BBS9: variants seen among roughly 807,000 people sequenced by gnomAD.
The protein encoded by BBS9 is protein PTHB1.
In BBS9, 89 loss-of-function variants were observed where a neutral mutation model predicts 117.7. The ratio of observed to expected loss-of-function variants is 0.76; its 90% CI spans 0.64 to 0.90. BBS9 has a LOEUF of 0.90. Ranked by LOEUF, BBS9 falls within the 40% of genes least tolerant of loss-of-function variation. The probability of loss-of-function intolerance (pLI) is 0.00; values close to 1 mark genes in which losing one functional copy is unlikely to be tolerated. For synonymous variants in BBS9, 379 were observed against 370.9 expected (o/e 1.02, Z -0.25); for missense variants, 982 against 1,042.2 (o/e 0.94, Z 0.80).
intron 21 of BBS9, among the ~76,000 whole-genome samples, chr7:33,542,140 C>T (rs1015936813): frequency 1.3e-5 from 2 of 151,432 alleles, no homozygotes; most frequent in East Asian, 1.9e-4. Flanking sequence ...GCTGGAGTGC[C>T]GTGGTGCAGT....
At chr7:33,349,812 A>G (rs1818302791) in intron 13 of BBS9, among the ~76,000 whole-genome samples, 1 of 152,176 alleles carries the variant, frequency 6.6e-6, no homozygotes, top group Non-Finnish European at 1.5e-5. Context: ...TAATGTTTGA[A>G]GAATTAATAT....
intron 4 of BBS9, among the ~76,000 whole-genome samples, chr7:33,161,540 T>A (rs1297381869): frequency 6.6e-6 from 1 of 152,238 alleles, no homozygotes; most frequent in Non-Finnish European, 1.5e-5. Flanking sequence ...TTTGGGTTGG[T>A]TCCAAGTCTT....
At chr7:33,375,074 GAGA>G (rs1211465754) in intron 17 of BBS9, among the ~76,000 whole-genome samples, 1 of 152,086 alleles carries the variant, frequency 6.6e-6, no homozygotes, top group Admixed American at 6.6e-5. Flanking sequence ...TGATGAACTT[GAGA>G]AGATGTTCTG....
chr7:33,461,141 G>A (rs79006776), intron 19 of BBS9, among the ~76,000 whole-genome samples: 2,089 of 151,928 alleles, frequency 0.014, 55 homozygotes, highest in African/African-American at 0.048. Flanking sequence ...ATTTATTGAT[G>A]GATATTTGGG....
chr7:33,269,687 C>T (rs1379879207), intron 7 of BBS9, among the ~76,000 whole-genome samples: 3 of 151,366 alleles, frequency 2.0e-5, no homozygotes, highest in South Asian at 2.1e-4. Context: ...GATTGCACCA[C>T]CACATTGCAG....
chr7:33,207,306 T>C (rs938830763), intron 5 of BBS9, among the ~76,000 whole-genome samples: 1 of 152,226 alleles, frequency 6.6e-6, no homozygotes, highest in African/African-American at 2.4e-5. Context: ...GATTTCCAAA[T>C]TGGCACTTCC....
intron 19 of BBS9, among the ~76,000 whole-genome samples, chr7:33,446,345 T>C (rs1836991314): frequency 1.3e-5 from 2 of 152,220 alleles, no homozygotes. Context: ...TTGGTTAATA[T>C]CTTGATAGTA....
chr7:33,373,154 CTCTT>C (rs1416997127), intron 17 of BBS9, among the ~76,000 whole-genome samples: 2 of 152,084 alleles, frequency 1.3e-5, no homozygotes, highest in African/African-American at 2.4e-5. Context: ...CGCACACTCT[CTCTT>C]TCTCTCTCCC....
intron 14 of BBS9, 108 bp from the exon 15 acceptor site, chr7:33,352,751 A>G: frequency 7.8e-7 from 1 of 1,289,608 alleles, no homozygotes; most frequent in Admixed American, 1.7e-5. Flanking sequence ...TGAAATTTTA[A>G]TTTGTATTTT....
chr7:33,532,039 G>A (rs971860847), intron 20 of BBS9, among the ~76,000 whole-genome samples: 5 of 152,138 alleles, frequency 3.3e-5, no homozygotes, highest in African/African-American at 1.2e-4. Flanking sequence ...TCACTCTCAG[G>A]GAATACCAGA....
At chr7:33,607,791 C>G (rs1432005066), downstream of BBS9, among the ~76,000 whole-genome samples, 1 of 151,860 alleles carries the variant, frequency 6.6e-6, no homozygotes, top group East Asian at 1.9e-4. Flanking sequence ...TTTGTAATGT[C>G]AGCCAGGTTT....
chr7:33,423,568 T>C (rs1833196243), intron 19 of BBS9, among the ~76,000 whole-genome samples: 1 of 151,220 alleles, frequency 6.6e-6, no homozygotes, highest in Non-Finnish European at 1.5e-5. Context: ...AAAAAAAAAG[T>C]ATTTAAAAAT....
chr7:33,192,473 T>A (rs142450753), intron 5 of BBS9, among the ~76,000 whole-genome samples: 16 of 152,308 alleles, frequency 1.1e-4, no homozygotes, highest in African/African-American at 3.8e-4. Context: ...ATATAAAAAC[T>A]GTGCACATTT....
chr7:33,166,685 A>G (rs998788633), intron 4 of BBS9, among the ~76,000 whole-genome samples: 1 of 152,234 alleles, frequency 6.6e-6, no homozygotes, highest in Non-Finnish European at 1.5e-5. Context: ...GGATCCACCT[A>G]GCCAGGCGTG....
At chr7:33,611,622 ATTT>A (rs1240938475) in intron 21 of BBS9, among the ~76,000 whole-genome samples, 2 of 132,952 alleles carry the variant, frequency 1.5e-5, no homozygotes, top group Non-Finnish European at 1.5e-5. Context: ...AATATTAATT[ATTT>A]AATAATATTA....
chr7:33,208,475 C>A (rs1447459023), intron 5 of BBS9, among the ~76,000 whole-genome samples: 1 of 152,162 alleles, frequency 6.6e-6, no homozygotes, highest in African/African-American at 2.4e-5. Flanking sequence ...AGAATTTTTG[C>A]ATTTATTGTT....
At chr7:33,341,975 A>G (rs1347370293) in intron 11 of BBS9, among the ~76,000 whole-genome samples, 1 of 152,022 alleles carries the variant, frequency 6.6e-6, no homozygotes, top group East Asian at 1.9e-4. Context: ...GTAGAAATTG[A>G]TCACCAACAG....
chr7:33,258,756 A>G (rs1024313632), intron 6 of BBS9, among the ~76,000 whole-genome samples: 3 of 152,166 alleles, frequency 2.0e-5, no homozygotes, highest in African/African-American at 7.2e-5. Context: ...ATATTTAAAC[A>G]CCCAGTTACT....
At chr7:33,300,361 T>C (rs1806133323) in intron 9 of BBS9, among the ~76,000 whole-genome samples, 1 of 152,146 alleles carries the variant, frequency 6.6e-6, no homozygotes, top group African/African-American at 2.4e-5. Context: ...GATGGGAAGT[T>C]TGCAGGGCAA....
Sources: gnomAD v4.1 joint callset for allele counts (sites outside exome capture counted in the v4.1 genomes callset) on GRCh38, gnomAD v4.1.1 for gene constraint, MANE v1.5 for transcripts, NCBI Gene and HGNC (gene_info 2026-07-23, HGNC 2026-07-21) for gene names.